The following COQ10B variants were observed in gnomAD, a reference collection of about 807,000 sequenced individuals.
COQ10B encodes the protein coenzyme Q-binding protein COQ10 homolog B, mitochondrial.
COQ10B carries 12 observed loss-of-function variants against 27.6 expected under a neutral mutation model. The observed-to-expected ratio is 0.43, with a 90% confidence interval of 0.28 to 0.70. The LOEUF is 0.70. COQ10B is among the 30% of genes least tolerant of loss of function. The pLI is 0.17. For synonymous variants in COQ10B, 115 were observed against 103.0 expected (o/e 1.12, Z -0.71); for missense variants, 278 against 288.7 (o/e 0.96, Z 0.27).
Position 197,470,149 on chromosome 2 carries a change from G to T in COQ10B, c.527G>T (p.Arg176Ile), listed in dbSNP as rs1306590640. 1 of 1,611,176 alleles carries T rather than the reference G, an allele frequency of 6.2e-7. No individual in the cohort carries two copies. The highest frequency in any genetic ancestry group is 8.5e-7 in the Non-Finnish European group (1 of 1,177,704). The change falls in exon 4 of 5, where the codon AGA (arginine) becomes ATA (isoleucine). Residue 176 changes from arginine (R) to isoleucine (I), a missense_variant. Coordinates refer to ENST00000263960, the MANE Select transcript of COQ10B (RefSeq NM_025147.5). ...RFSPGLPGYP[R>I]TCTLDFSISF... ...AGCCCAGGTCTTCCTGGCTACCCAA[G>T]AACTTGTACCTTGGATTTTTCAGTA...
Position 197,472,154 on chromosome 2 carries a change from AT to A in COQ10B, c.550-1602del, listed in dbSNP as rs545941596. Among the ~76,000 whole-genome samples the A allele has an allele frequency of 7.7e-4, 117 of 152,030 alleles. 1 individual carries two copies. Among genetic ancestry groups the A allele is most frequent in the African/African-American group, 2.7e-3 (111 of 41,500 alleles). ...TTTGTAGTTTTTTTTTTTTACAAAA[AT>A]GAAATTATTTCGTAATGAAAGATAA... On this transcript the variant is annotated intron_variant, in intron 4 of 4. Coordinates refer to ENST00000263960, the MANE Select transcript of COQ10B (RefSeq NM_025147.5).
At chr2:197,454,282 G>C (rs1393045192) in intron 1 of COQ10B, 2 of 651,658 alleles carry the variant, frequency 3.1e-6, no homozygotes, top group Admixed American at 6.5e-5. Flanking sequence ...GGTGGAGATG[G>C]AGGTCGGGAC....
intron 3 of COQ10B, among the ~76,000 whole-genome samples, chr2:197,464,018 CACACACACAT>C (rs1371913159): frequency 2.5e-5 from 3 of 118,692 alleles, no homozygotes; most frequent in Non-Finnish European, 3.4e-5. Context: ...CACACACACA[CACACACACAT>C]ACATACACAC....
Position 197,475,254 on chromosome 2 carries a change from A to G in COQ10B, c.*1330A>G, listed in dbSNP as rs1219198503. On this transcript the variant is annotated 3_prime_UTR_variant, in exon 5 of 5. Transcript: ENST00000263960. ...GAAGATATCTAAAATATCTATTTCT[A>G]TGAAGAAACAGACTTTAACAAATAT... 6.6e-6 allele frequency: 1 copy of G among 152,214 alleles called. No homozygotes were observed. Among genetic ancestry groups the G allele is most frequent in the Non-Finnish European group, 1.5e-5 (1 of 68,036 alleles). The allele number at this position is 152,214 out of a possible 1,614,324, so 9.4% of individuals were successfully genotyped here.
In COQ10B at chr2:197,474,017, A is replaced by T; in HGVS notation, c.*93A>T. On this transcript the variant is annotated 3_prime_UTR_variant, in exon 5 of 5. Coordinates refer to ENST00000263960, the MANE Select transcript of COQ10B (RefSeq NM_025147.5). The stretch of plus-strand genomic sequence containing the variant: ...GACATGTTTTCAGAAGCCAGAAAGC[A>T]TTTGTTAAACGCAGCTTTGGTTATA... 9.1e-7 allele frequency: 1 copy of T among 1,104,412 alleles called. No homozygotes were observed. The highest frequency in any genetic ancestry group is 1.2e-6 in the Non-Finnish European group (1 of 816,878). The allele number at this position is 1,104,412 out of a possible 1,614,324, so 68.4% of individuals were successfully genotyped here.
At chr2:197,467,866 G>A (rs1383003765) in intron 3 of COQ10B, among the ~76,000 whole-genome samples, 1 of 152,168 alleles carries the variant, frequency 6.6e-6, no homozygotes, top group Non-Finnish European at 1.5e-5. Context: ...ATGGCCAGAA[G>A]CCCTTGAACA....
rs147120163 is a variant in COQ10B, at chr2:197,470,971, C to T, written c.549+800C>T. 5.4e-3 allele frequency among the ~76,000 whole-genome samples: 825 copies of T among 152,182 alleles called. 6 individuals are homozygous for T. The highest frequency in any genetic ancestry group is 0.018 in the African/African-American group (752 of 41,532). ...TAGTCCTAGCTGCTGAGAAGGCTGA[C>T]GAGCAGATCACTTGAGTCCAAGGGT... On this transcript the variant is annotated intron_variant, in intron 4 of 4. Transcript: ENST00000263960.
chr2:197,474,023 T>C lies in COQ10B; in HGVS notation c.*99T>C. The C allele has an allele frequency of 1.0e-6, 1 of 985,366 alleles. No homozygotes were observed. Among genetic ancestry groups the C allele is most frequent in the South Asian group, 2.9e-5 (1 of 34,720 alleles). The allele number at this position is 985,366 out of a possible 1,614,324, so 61.0% of individuals were successfully genotyped here. A position where few individuals can be genotyped will look rare whatever the true frequency, so the allele number is the denominator to read the frequency against. ...TTTTCAGAAGCCAGAAAGCATTTGT[T>C]AAACGCAGCTTTGGTTATAAACCTG... is the stretch of plus-strand genomic sequence containing the variant. On this transcript the variant is annotated 3_prime_UTR_variant, in exon 5 of 5. Coordinates refer to ENST00000263960, the MANE Select transcript of COQ10B (RefSeq NM_025147.5).
chr2:197,455,383 T>G (rs1034741774), intron 1 of COQ10B, among the ~76,000 whole-genome samples: 1 of 151,866 alleles, frequency 6.6e-6, no homozygotes, highest in African/African-American at 2.4e-5. Context: ...TCCAACACTT[T>G]GGGAGGCTGA....
chr2:197,457,707 C>T (rs779212167), intron 1 of COQ10B, among the ~76,000 whole-genome samples: 15 of 151,210 alleles, frequency 9.9e-5, no homozygotes, highest in Non-Finnish European at 1.6e-4. Flanking sequence ...CTGCAACCTC[C>T]GCGTCCCAGG....
chr2:197,473,713 A>C, intron 4 of COQ10B, 44 bp from the exon 5 acceptor site: 1 of 1,338,502 alleles, frequency 7.5e-7, no homozygotes, highest in Non-Finnish European at 9.8e-7. Context: ...AAAAAAAAGC[A>C]AAAAATAATT....
intron 4 of COQ10B, among the ~76,000 whole-genome samples, chr2:197,471,991 A>G (rs2085882390): frequency 6.6e-6 from 1 of 151,946 alleles, no homozygotes; most frequent in Non-Finnish European, 1.5e-5. Context: ...GGTCTATATA[A>G]ATTAGATAAT....
chr2:197,475,127 G>A lies in COQ10B; in HGVS notation c.*1203G>A, dbSNP rs2085936884. 6.6e-6 allele frequency: 1 copy of A among 152,218 alleles called. No individual in the cohort carries two copies. The highest frequency in any genetic ancestry group is 1.5e-5 in the Non-Finnish European group (1 of 68,014). The allele number at this position is 152,218 out of a possible 1,614,324, so 9.4% of individuals were successfully genotyped here. ...AATAAAGTTAATTTGTTTATTTTTTGTACAGTTAGTTTGGTTATTGAAATC... is the reference window on the plus strand; with the variant it reads ...AATAAAGTTAATTTGTTTATTTTTTATACAGTTAGTTTGGTTATTGAAATC... On this transcript the variant is annotated 3_prime_UTR_variant, in exon 5 of 5. Transcript: ENST00000263960.
chr2:197,456,518 A>G (rs1340193792), intron 1 of COQ10B, among the ~76,000 whole-genome samples: 2 of 151,488 alleles, frequency 1.3e-5, no homozygotes, highest in Non-Finnish European at 2.9e-5. Flanking sequence ...TAATCCCAGC[A>G]CTTTGGGAGG....
intron 4 of COQ10B, among the ~76,000 whole-genome samples, chr2:197,473,434 A>ATATG (rs2085903075): frequency 9.2e-6 from 1 of 109,212 alleles, no homozygotes; most frequent in East Asian, 2.3e-4. Flanking sequence ...ATATATATAT[A>ATATG]TATATATACA....
chr2:197,467,507 AGC>A (rs1358063183), intron 3 of COQ10B, among the ~76,000 whole-genome samples: 11 of 152,102 alleles, frequency 7.2e-5, no homozygotes, highest in African/African-American at 2.7e-4. Context: ...CCTCCTGTGT[AGC>A]TGGGATTAAA....
chr2:197,460,802 C>T (rs1004796527), intron 2 of COQ10B, among the ~76,000 whole-genome samples: 12 of 152,176 alleles, frequency 7.9e-5, no homozygotes, highest in African/African-American at 2.9e-4. Context: ...CTGCTCAGCT[C>T]CTTCATTGTA....
intron 2 of COQ10B, among the ~76,000 whole-genome samples, chr2:197,461,595 G>A (rs1022211301): frequency 2.7e-5 from 4 of 149,828 alleles, no homozygotes; most frequent in Non-Finnish European, 5.9e-5. Context: ...GTGTGTGTGT[G>A]AGGGAGGGAG....
chr2:197,460,419 C>G (rs2085744501), intron 2 of COQ10B, among the ~76,000 whole-genome samples: 1 of 152,120 alleles, frequency 6.6e-6, no homozygotes, highest in Admixed American at 6.6e-5. Flanking sequence ...TCTCAACCTC[C>G]TGACCTCATG....
Sources: allele counts gnomAD v4.1 joint callset (sites outside exome capture counted in the v4.1 genomes callset), GRCh38; gene constraint gnomAD v4.1.1; transcripts MANE v1.5; gene names NCBI Gene and HGNC (gene_info 2026-07-23, HGNC 2026-07-21).